The following RNF150 variants were observed in gnomAD, a reference collection of about 807,000 sequenced individuals.
RNF150 encodes the protein ring finger protein 150.
Under a neutral mutation model 39.3 loss-of-function variants are expected in RNF150, and 24 were observed. The observed-to-expected ratio is 0.61, with a 90% CI of 0.44 to 0.86. The LOEUF is 0.86. Ranked by LOEUF, RNF150 falls within the 40% of genes least tolerant of loss-of-function variation. The probability of loss-of-function intolerance (pLI) is 0.00; values close to 1 mark genes in which losing one functional copy is unlikely to be tolerated. For synonymous variants in RNF150, 255 were observed against 227.3 expected (o/e 1.12, Z -1.10); for missense variants, 502 against 587.8 (o/e 0.85, Z 1.51).
At chr4:140,989,988 A>T (rs77152204) in intron 1 of RNF150, among the ~76,000 whole-genome samples, 12 of 148,592 alleles carry the variant, frequency 8.1e-5, no homozygotes, top group East Asian at 2.0e-4. Flanking sequence ...AACCAAAATT[A>T]AAAAAAAAAA....
Position 140,868,095 on chromosome 4 carries a change from G to C in RNF150, c.*166C>G. 1.8e-6 allele frequency: 1 copy of C among 566,606 alleles called. No individual in the cohort carries two copies. Among genetic ancestry groups the C allele is most frequent in the East Asian group, 2.9e-5 (1 of 34,142 alleles). 35.1% of individuals were successfully genotyped at this position (566,606 alleles called of 1,614,324 possible). ...CATACCGATGGAGAAACTGCATCCTGATTGACAAGACTTTGGATATTGCTT... is the reference window on the plus strand; with the variant it reads ...CATACCGATGGAGAAACTGCATCCTCATTGACAAGACTTTGGATATTGCTT... On this transcript the variant is annotated 3_prime_UTR_variant, in exon 7 of 7. Coordinates refer to ENST00000515673, the MANE Select transcript of RNF150 (RefSeq NM_020724.2).
intron 1 of RNF150, among the ~76,000 whole-genome samples, chr4:141,049,335 A>G (rs112120127): frequency 4.6e-5 from 7 of 152,112 alleles, no homozygotes; most frequent in Middle Eastern, 3.4e-3. Context: ...GACATACTCA[A>G]GAGGAAAATG....
intron 1 of RNF150, among the ~76,000 whole-genome samples, chr4:141,094,527 T>A (rs1173753463): frequency 6.6e-6 from 1 of 152,296 alleles, no homozygotes; most frequent in Non-Finnish European, 1.5e-5. Flanking sequence ...ATATTCTTAT[T>A]TTGTTGTTAC....
chr4:141,005,796 C>T (rs898087075), intron 1 of RNF150, among the ~76,000 whole-genome samples: 4 of 129,994 alleles, frequency 3.1e-5, no homozygotes, highest in Admixed American at 1.5e-4. Context: ...GGGCCGGGCG[C>T]GGTGGCTCAC....
chr4:140,921,237 G>A (rs1474063148), intron 5 of RNF150, among the ~76,000 whole-genome samples: 3 of 151,312 alleles, frequency 2.0e-5, no homozygotes, highest in Non-Finnish European at 4.4e-5. Context: ...TAATAAAGAA[G>A]AAAAGAGAGA....
At chr4:140,892,517 T>C (rs1174173897) in intron 6 of RNF150, among the ~76,000 whole-genome samples, 2 of 152,224 alleles carry the variant, frequency 1.3e-5, no homozygotes, top group Non-Finnish European at 2.9e-5. Flanking sequence ...ATTTGAACTG[T>C]ACACAAATAT....
chr4:140,924,690 G>A (rs553026706), intron 5 of RNF150, among the ~76,000 whole-genome samples: 1 of 152,224 alleles, frequency 6.6e-6, no homozygotes, highest in Non-Finnish European at 1.5e-5. Context: ...TAGAGCTCTT[G>A]GGTTTTTACT....
At chr4:141,012,808 C>G (rs1340677286) in intron 1 of RNF150, among the ~76,000 whole-genome samples, 1 of 73,816 alleles carries the variant, frequency 1.4e-5, no homozygotes, top group Admixed American at 1.4e-4. Flanking sequence ...AAAAAGGCAT[C>G]CCCTACTGAA....
Position 140,971,246 on chromosome 4 carries a change from G to C in RNF150, c.485-3373C>G, listed in dbSNP as rs192841396. Among the ~76,000 whole-genome samples the C allele has an allele frequency of 8.5e-4, 130 of 152,114 alleles. 1 individual carries two copies. In the Middle Eastern group the frequency reaches 0.01, roughly 12 times the overall value. The stretch of plus-strand genomic sequence containing the variant: ...GTATACTAGGATATGCTTTGCTTCT[G>C]TGGGTGGGTGTGAGGCAGGGAAGGA... On this transcript the variant is annotated intron_variant, in intron 1 of 6. Transcript: ENST00000515673.
chr4:141,097,233 C>T (rs531227219), intron 1 of RNF150, among the ~76,000 whole-genome samples: 1 of 152,142 alleles, frequency 6.6e-6, no homozygotes, highest in Non-Finnish European at 1.5e-5. Flanking sequence ...CACCTCCATA[C>T]CACCAGAGCC....
intron 1 of RNF150, among the ~76,000 whole-genome samples, chr4:140,979,978 G>A (rs1365708370): frequency 6.6e-6 from 1 of 152,074 alleles, no homozygotes; most frequent in Non-Finnish European, 1.5e-5. Flanking sequence ...AAGAAAACAT[G>A]CAATTGTGTT....
At chr4:140,926,585 C>G (rs1541734) in intron 4 of RNF150, among the ~76,000 whole-genome samples, 19,821 of 152,190 alleles carry the variant, frequency 0.13, 1,481 homozygotes, top group Admixed American at 0.21. Flanking sequence ...GTTGTGGCTT[C>G]TGGTTGTCAA....
At chr4:141,125,901 G>A (rs1443779942) in intron 1 of RNF150, among the ~76,000 whole-genome samples, 1 of 152,138 alleles carries the variant, frequency 6.6e-6, no homozygotes, top group African/African-American at 2.4e-5. Context: ...CTCTAGATAT[G>A]TACTTCTATG....
chr4:141,086,195 A>G (rs1418511868), intron 1 of RNF150, among the ~76,000 whole-genome samples: 2 of 152,066 alleles, frequency 1.3e-5, no homozygotes, highest in African/African-American at 2.4e-5. Context: ...ATTAGTAAAT[A>G]TGTTGTTCAA....
intron 1 of RNF150, among the ~76,000 whole-genome samples, chr4:141,027,936 T>A (rs78020842): frequency 1.0e-5 from 1 of 98,212 alleles, no homozygotes; most frequent in South Asian, 5.2e-4. Flanking sequence ...GTTTTTTTTT[T>A]TTTTTTTTTT....
At position 140,967,794 on chromosome 4, in the gene RNF150, G is replaced by C. The variant is rs147326623; in HGVS notation, c.564C>G (p.Thr188=). The C allele has an allele frequency of 6.2e-7, 1 of 1,613,494 alleles. No individual in the cohort carries two copies. The highest frequency in any genetic ancestry group is 2.2e-5 in the East Asian group (1 of 44,850). Residue 188 remains threonine (T), a synonymous_variant, in exon 2 of 7, where the codon ACC becomes ACG. Transcript: ENST00000515673. ...TTCCGATGGTGATGTACATTGTCAC[G>C]GTGATGTTTCTTTCCAGCAGGCTTA... ...EIVSLLERNI[T]VTMYITIGTR...
At chr4:141,038,456 G>A (rs377522153) in intron 1 of RNF150, among the ~76,000 whole-genome samples, 28 of 152,252 alleles carry the variant, frequency 1.8e-4, no homozygotes, top group African/African-American at 2.4e-4. Context: ...TTGGGAGGCC[G>A]ACGTGGGAGG....
chr4:140,962,069 C>CTCTCT (rs749508850), intron 2 of RNF150, among the ~76,000 whole-genome samples: 1 of 145,168 alleles, frequency 6.9e-6, no homozygotes, highest in African/African-American at 2.5e-5. Context: ...TCTCTCTTCT[C>CTCTCT]TCTCTCTCTC....
At chr4:141,029,221 T>C (rs1456528822) in intron 1 of RNF150, among the ~76,000 whole-genome samples, 1 of 152,204 alleles carries the variant, frequency 6.6e-6, no homozygotes, top group Non-Finnish European at 1.5e-5. Context: ...TTAGGTTCTA[T>C]ACAGGTTACT....
Sources: gnomAD v4.1 joint callset for allele counts (sites outside exome capture counted in the v4.1 genomes callset) on GRCh38, gnomAD v4.1.1 for gene constraint, MANE v1.5 for transcripts, NCBI Gene and HGNC (gene_info 2026-07-23, HGNC 2026-07-21) for gene names.